Variants in KLC2 observed in about 807,000 individuals in gnomAD.
The protein encoded by KLC2 is KLC 2.
KLC2 carries 35 observed loss-of-function variants against 75.1 expected under a neutral mutation model. That is an observed-to-expected ratio of 0.47 (90% CI 0.36 to 0.62). The LOEUF is 0.62. KLC2 is among the 20% of genes least tolerant of loss of function. The pLI is 0.00. For missense variants in KLC2, 611 were observed against 833.2 expected (o/e 0.73, Z 3.28); for synonymous variants, 314 against 336.7 (o/e 0.93, Z 0.74).
At position 66,266,001 on chromosome 11, in the gene KLC2, G is replaced by C. The variant is rs754043580; in HGVS notation, c.1591G>C (p.Glu531Gln). 3 of 1,612,736 alleles carry C rather than the reference G, an allele frequency of 1.9e-6. No homozygotes were observed. The highest frequency in any genetic ancestry group is 1.1e-5 in the South Asian group (1 of 90,970). Residue 531 changes from glutamate (E) to glutamine (Q), a missense_variant, in exon 13 of 16, where the codon GAG (glutamate) becomes CAG (glutamine). By Grantham distance (29) the Glu-to-Gln change is conservative. Coordinates refer to ENST00000394067, the MANE Select transcript of KLC2 (RefSeq NM_001318734.2). ...SDLEDVGPTAEWNGDGSGSLR... is the reference protein window; with the variant it reads ...SDLEDVGPTAQWNGDGSGSLR... ...CCTCGAGGACGTGGGACCTACAGCT[G>C]AGTGGAATGGGGTGAGTCCGGGGCC...
chr11:66,258,384 C>T (rs1856157952), intron 1 of KLC2, 200 bp from the exon 2 acceptor site: 2 of 582,168 alleles, frequency 3.4e-6, no homozygotes, highest in Non-Finnish European at 3.1e-6. Flanking sequence ...TCCGGCTGCA[C>T]CGCATTGCGT....
At chr11:66,261,515 G>A (rs1856414872) in intron 2 of KLC2, 1 of 507,336 alleles carries the variant, frequency 2.0e-6, no homozygotes, top group Non-Finnish European at 3.5e-6. Flanking sequence ...GATCCTAGAA[G>A]GAAGGAACTG....
chr11:66,254,622 G>T (rs1855988526), upstream of KLC2, among the ~76,000 whole-genome samples: 1 of 147,310 alleles, frequency 6.8e-6, no homozygotes, highest in Non-Finnish European at 1.5e-5. Flanking sequence ...CTATGATTGT[G>T]GCACTGCACT....
chr11:66,253,433 G>A (rs1394896663), upstream of KLC2, among the ~76,000 whole-genome samples: 2 of 152,188 alleles, frequency 1.3e-5, no homozygotes, highest in African/African-American at 2.4e-5. Context: ...AGGAGAAGTG[G>A]GAGTGATTTT....
the KLC2 span, among the ~76,000 whole-genome samples, chr11:66,250,808 C>T: frequency 1.3e-5 from 2 of 152,202 alleles, no homozygotes; most frequent in African/African-American, 4.8e-5. Context: ...CCAAGAACCA[C>T]ACAGGGCTCA....
chr11:66,251,295 C>T, the KLC2 span, among the ~76,000 whole-genome samples: 6 of 93,454 alleles, frequency 6.4e-5, 1 homozygote, highest in Non-Finnish European at 1.1e-4. Flanking sequence ...AGTTTGAGAC[C>T]AGTCTGGCCA....
chr11:66,258,910 G>C (rs1449172555), intron 2 of KLC2, 88 bp downstream of exon 2: 1 of 879,536 alleles, frequency 1.1e-6, no homozygotes, highest in East Asian at 2.6e-5. Context: ...AAGAATCTGA[G>C]CAGGGAACCG....
intron 15 of KLC2, 152 bp from the exon 16 acceptor site, chr11:66,266,721 G>A: frequency 1.1e-6 from 1 of 870,538 alleles, no homozygotes. Context: ...GGGAGTGTCA[G>A]GGCACCAGGG....
At chr11:66,258,169 A>C in intron 1 of KLC2, 1 of 173,588 alleles carries the variant, frequency 5.8e-6, no homozygotes, top group Admixed American at 5.8e-5. Flanking sequence ...GCTCGTCGGG[A>C]GGATGGGCTC....
intron 10 of KLC2, 21 bp downstream of exon 10, chr11:66,265,093 G>T (rs1446764593): frequency 6.2e-7 from 1 of 1,609,464 alleles, no homozygotes; most frequent in Non-Finnish European, 8.5e-7. Context: ...GGGGCAGGCT[G>T]GGCGGTTGTC....
At chr11:66,249,559 T>C in the KLC2 span, among the ~76,000 whole-genome samples, 1 of 152,214 alleles carries the variant, frequency 6.6e-6, no homozygotes, top group African/African-American at 2.4e-5. Context: ...GAGTGCCTTA[T>C]ATGGTTTATT....
chr11:66,264,854 T>C, intron 9 of KLC2, 169 bp from the exon 10 acceptor site: 1 of 629,080 alleles, frequency 1.6e-6, no homozygotes, highest in South Asian at 2.0e-5. Context: ...GGGTCTGTTC[T>C]GCTCATCTCT....
intron 1 of KLC2, 83 bp from the exon 2 acceptor site, chr11:66,258,501 G>C (rs530590542): frequency 1.1e-6 from 1 of 915,534 alleles, no homozygotes; most frequent in East Asian, 2.5e-5. Context: ...GGCGTCCGGG[G>C]ACCGCCTGTT....
At position 66,261,944 on chromosome 11, in the gene KLC2, G is replaced by A. The variant is rs549150930; in HGVS notation, c.431G>A (p.Arg144His). The A allele has an allele frequency of 3.2e-5, 51 of 1,614,106 alleles. No individual in the cohort carries two copies. Among genetic ancestry groups the A allele is most frequent in the South Asian group, 5.5e-5 (5 of 91,086 alleles). ...CACTTGCTGTTCATGAGCCAGATCC[G>A]CAAGTTGGATGAAGACGCCTCCCCT... ...KQHLLFMSQI[R>H]KLDEDASPNE... Residue 144 changes from arginine to histidine, a missense_variant, in exon 3 of 16, where the codon CGC becomes CAC. Coordinates refer to ENST00000394067, the MANE Select transcript of KLC2 (RefSeq NM_001318734.2).
chr11:66,257,103 G>A, upstream of KLC2, among the ~76,000 whole-genome samples: 1 of 152,232 alleles, frequency 6.6e-6, no homozygotes, highest in East Asian at 1.9e-4. Flanking sequence ...CTGTGGATGA[G>A]CACTGCAGGA....
intron 15 of KLC2, 95 bp downstream of exon 15, chr11:66,266,585 A>G (rs1294615067): frequency 1.5e-6 from 2 of 1,295,164 alleles, no homozygotes; most frequent in South Asian, 2.4e-5. Context: ...TCATCCAGCA[A>G]CAGTTCCTGG....
Position 66,258,744 on chromosome 11 carries a change from C to T in KLC2, c.150C>T (p.Ala50=), listed in dbSNP as rs746999301. ...APLVAPEAGE[A]EPGSQERCIL... is the part of the protein sequence containing the mutation. ...TGGTTGCACCTGAGGCCGGCGAAGC[C>T]GAGCCTGGCTCGCAGGAGCGCTGCA... Residue 50 remains alanine, a synonymous_variant, in exon 2 of 16, where the codon GCC becomes GCT. Transcript: ENST00000394067. The T allele has an allele frequency of 3.1e-6, 5 of 1,613,336 alleles. No homozygotes were observed. In the East Asian group the frequency reaches 6.7e-5, roughly 22 times the overall value.
At chr11:66,249,394 A>G in the KLC2 span, among the ~76,000 whole-genome samples, 2 of 152,266 alleles carry the variant, frequency 1.3e-5, no homozygotes, top group South Asian at 2.1e-4. Flanking sequence ...TTATCCCTAC[A>G]TGCATCATCT....
chr11:66,262,297 G>A, intron 4 of KLC2, 105 bp downstream of exon 4: 1 of 859,606 alleles, frequency 1.2e-6, no homozygotes, highest in Non-Finnish European at 1.9e-6. Context: ...TTCTGATCAT[G>A]ACATCCTAGT....
Sources: allele counts gnomAD v4.1 joint callset (sites outside exome capture counted in the v4.1 genomes callset), GRCh38; gene constraint gnomAD v4.1.1; transcripts MANE v1.5; gene names NCBI Gene and HGNC (gene_info 2026-07-23, HGNC 2026-07-21).